Variants in FAM184A observed in about 807,000 individuals in gnomAD.
The protein encoded by FAM184A is family with sequence similarity 184 member A.
Under a neutral mutation model 143.8 loss-of-function variants are expected in FAM184A, and 99 were observed. That is an observed-to-expected ratio of 0.69 (90% CI 0.58 to 0.81). The LOEUF (loss-of-function observed/expected upper bound fraction) is 0.81, where lower values mean the gene tolerates loss of function less well. Ranked by LOEUF, FAM184A falls within the 40% of genes least tolerant of loss-of-function variation. FAM184A has a pLI of 0.00. For synonymous variants in FAM184A, 427 were observed against 446.4 expected, an observed-to-expected ratio of 0.96 and a Z score of 0.55; for missense variants, 1,217 against 1,310.5, an observed-to-expected ratio of 0.93 and a Z score of 1.10.
intron 14 of FAM184A, among the ~76,000 whole-genome samples, chr6:118,971,683 A>G (rs1783701050): frequency 6.6e-6 from 1 of 152,218 alleles, no homozygotes; most frequent in Non-Finnish European, 1.5e-5. Flanking sequence ...TGAAAAATCT[A>G]AAACTTTAAC....
Position 119,078,383 on chromosome 6 carries a change from C to A in FAM184A, c.-84G>T. 1 of 1,311,706 alleles carries A rather than the reference C, an allele frequency of 7.6e-7. No homozygotes were observed. The highest frequency in any genetic ancestry group is 9.8e-7 in the Non-Finnish European group (1 of 1,017,818). The allele number at this position is 1,311,706 out of a possible 1,614,324, so 81.3% of individuals were successfully genotyped here. On this transcript the variant is annotated 5_prime_UTR_variant, in exon 1 of 18. Coordinates refer to ENST00000338891, the MANE Select transcript of FAM184A (RefSeq NM_024581.6). The surrounding 1 kb of genome is among the most constrained non-coding windows in gnomAD (Gnocchi z 5.5). ...GCAACGACGCCCGGGAGGCAAGAGT[C>A]GCGGCGGCCGCTTCCCGACCCGACA...
At chr6:118,969,183 G>A (rs954220861) in intron 14 of FAM184A, among the ~76,000 whole-genome samples, 2 of 151,988 alleles carry the variant, frequency 1.3e-5, no homozygotes, top group Admixed American at 6.6e-5. Context: ...TTCCCCTTCC[G>A]CCATGATTGT....
At chr6:118,965,725 G>A (rs1783482380) in intron 15 of FAM184A, among the ~76,000 whole-genome samples, 1 of 152,128 alleles carries the variant, frequency 6.6e-6, no homozygotes, top group African/African-American at 2.4e-5. Context: ...CTACAATCCT[G>A]GCTCTTCCCT....
Position 118,989,449 on chromosome 6 carries a change from T to C in FAM184A, c.2089-9099A>G, listed in dbSNP as rs1391608102. 2.0e-5 allele frequency among the ~76,000 whole-genome samples: 3 copies of C among 152,222 alleles called. No individual in the cohort carries two copies. In the East Asian group the frequency reaches 5.8e-4, roughly 29 times the overall value. ...TTATATTGCTAATTTTCAGAAAGAA[T>C]GCAATTTTCTTTTGTTTCCATTTTT... On this transcript the variant is annotated intron_variant, in intron 9 of 17. Coordinates refer to ENST00000338891, the MANE Select transcript of FAM184A (RefSeq NM_024581.6).
intron 1 of FAM184A, among the ~76,000 whole-genome samples, chr6:119,076,755 C>T (rs953163999): frequency 5.9e-5 from 9 of 152,138 alleles, no homozygotes; most frequent in Non-Finnish European, 7.3e-5. Flanking sequence ...TTCGGAAGAT[C>T]AAACACTACT....
At chr6:118,969,958 C>T (rs1395168417) in intron 14 of FAM184A, among the ~76,000 whole-genome samples, 1 of 106,158 alleles carries the variant, frequency 9.4e-6, no homozygotes, top group African/African-American at 3.5e-5. Flanking sequence ...TTTCTAATCA[C>T]AAGAAAAAAA....
rs190353525 is a variant in FAM184A, at chr6:119,125,137, T to G, written c.-202+23941A>C. Among the ~76,000 whole-genome samples the G allele has an allele frequency of 1.4e-3, 211 of 152,308 alleles. 1 individual carries two copies. The highest frequency in any genetic ancestry group is 4.9e-3 in the African/African-American group (205 of 41,560). On this transcript the variant is annotated intron_variant, in intron 1 of 16. Transcript: ENST00000352896. ...TCCAGGCAGTTGTATCTATTAATAG[T>G]TTTTTAGAATAAGCTTTCAGAAAAT...
chr6:118,967,018 TAAAA>T, intron 14 of FAM184A, 66 bp from the exon 15 acceptor site: 1 of 738,728 alleles, frequency 1.4e-6, no homozygotes, highest in Non-Finnish European at 2.2e-6. Context: ...ATACCTACAT[TAAAA>T]AAATTAGTCT....
chr6:119,062,317 G>A (rs1288473316), intron 1 of FAM184A, among the ~76,000 whole-genome samples: 1 of 152,078 alleles, frequency 6.6e-6, no homozygotes. Flanking sequence ...TGTTTTTGTT[G>A]TTACTGATGT....
chr6:118,988,029 G>A (rs1057207877), intron 9 of FAM184A, among the ~76,000 whole-genome samples: 7 of 152,142 alleles, frequency 4.6e-5, no homozygotes, highest in African/African-American at 7.2e-5. Context: ...TATGCAAAAT[G>A]AAAAGTGCAA....
intron 9 of FAM184A, among the ~76,000 whole-genome samples, chr6:118,996,597 A>C (rs1007180589): frequency 1.3e-5 from 2 of 152,196 alleles, no homozygotes; most frequent in African/African-American, 4.8e-5. Context: ...ATGTACATTC[A>C]ACATAGGTTC....
chr6:119,012,690 G>A (rs1012504072), intron 5 of FAM184A, among the ~76,000 whole-genome samples: 1 of 152,164 alleles, frequency 6.6e-6, no homozygotes, highest in African/African-American at 2.4e-5. Context: ...AGGAAAGCAG[G>A]TGTTCAGCAT....
chr6:118,970,006 A>ATTT (rs1242296300), intron 14 of FAM184A, among the ~76,000 whole-genome samples: 1 of 20,490 alleles, frequency 4.9e-5, no homozygotes, highest in Admixed American at 6.8e-4. Flanking sequence ...ATATATATAT[A>ATTT]TATTTTTTTT....
At chr6:119,133,010 T>C (rs989639788) in intron 1 of FAM184A, among the ~76,000 whole-genome samples, 2 of 152,224 alleles carry the variant, frequency 1.3e-5, no homozygotes, top group African/African-American at 4.8e-5. Context: ...TACTACTGGT[T>C]TGAGGCTTCT....
intron 1 of FAM184A, among the ~76,000 whole-genome samples, chr6:119,088,277 T>A (rs1415621959): frequency 6.6e-6 from 1 of 152,164 alleles, no homozygotes; most frequent in Non-Finnish European, 1.5e-5. Flanking sequence ...TAAGAAAAGA[T>A]TCATCGATGA....
At chr6:119,091,516 A>T (rs1404165257) in intron 1 of FAM184A, among the ~76,000 whole-genome samples, 2 of 152,212 alleles carry the variant, frequency 1.3e-5, no homozygotes, top group Non-Finnish European at 2.9e-5. Flanking sequence ...AGTGGATCCC[A>T]TAGTCTTGTG....
intron 9 of FAM184A, among the ~76,000 whole-genome samples, chr6:118,992,339 G>A (rs948764579): frequency 1.2e-4 from 18 of 152,138 alleles, no homozygotes; most frequent in Non-Finnish European, 2.4e-4. Context: ...ATCCCCAAGC[G>A]CTGTGGACTA....
intron 1 of FAM184A, among the ~76,000 whole-genome samples, chr6:119,084,422 T>TC (rs1788160391): frequency 6.6e-6 from 1 of 152,218 alleles, no homozygotes; most frequent in Non-Finnish European, 1.5e-5. Context: ...CTCTTTTGAC[T>TC]CCATGTCTTA....
chr6:119,037,317 T>C (rs952769995), intron 1 of FAM184A, among the ~76,000 whole-genome samples: 2 of 152,166 alleles, frequency 1.3e-5, no homozygotes, highest in Non-Finnish European at 2.9e-5. Flanking sequence ...GAGGGGTTTT[T>C]TTGTTGTTGT....
Sources: allele counts gnomAD v4.1 joint callset (sites outside exome capture counted in the v4.1 genomes callset), GRCh38; gene constraint gnomAD v4.1.1; non-coding constraint Gnocchi (gnomAD v3.1); transcripts MANE v1.5; gene names NCBI Gene and HGNC (gene_info 2026-07-23, HGNC 2026-07-21).